The following RIT2 variants were observed in gnomAD, a reference collection of about 807,000 sequenced individuals.
RIT2 encodes the protein GTP-binding protein Rit2.
RIT2 carries 24 observed loss-of-function variants against 23.7 expected under a neutral mutation model. The ratio of observed to expected loss-of-function variants is 1.01; its 90% CI spans 0.73 to 1.43. The LOEUF (loss-of-function observed/expected upper bound fraction) is 1.43. Among genes scored for constraint, RIT2 ranks in the 40% most tolerant of loss-of-function variants. The pLI, the probability that RIT2 is intolerant of heterozygous loss-of-function variation, is 0.00. For missense variants in RIT2, 236 were observed against 266.9 expected, an observed-to-expected ratio of 0.88 and a Z score of 0.81; for synonymous variants, 107 against 91.1, an observed-to-expected ratio of 1.17 and a Z score of -0.99.
intron 3 of RIT2, among the ~76,000 whole-genome samples, chr18:42,967,692 A>C (rs1910268889): frequency 6.6e-6 from 1 of 151,212 alleles, no homozygotes; most frequent in South Asian, 2.1e-4. Context: ...CACCTGGCCA[A>C]AAGTTTTTTC....
At chr18:43,057,833 A>G (rs1912545285) in intron 1 of RIT2, among the ~76,000 whole-genome samples, 1 of 120,242 alleles carries the variant, frequency 8.3e-6, no homozygotes, top group Non-Finnish European at 1.8e-5. Context: ...AAGGCAGAAC[A>G]AGATGTAGCA....
At chr18:43,100,930 C>T (rs1913667981) in intron 1 of RIT2, among the ~76,000 whole-genome samples, 1 of 151,338 alleles carries the variant, frequency 6.6e-6, no homozygotes, top group Non-Finnish European at 1.5e-5. Flanking sequence ...TGATCTTTTC[C>T]TTTTGTGTGT....
chr18:43,079,872 G>A (rs1011534321), intron 1 of RIT2, among the ~76,000 whole-genome samples: 2 of 152,160 alleles, frequency 1.3e-5, no homozygotes, highest in African/African-American at 4.8e-5. Flanking sequence ...ATATGAAAAA[G>A]GCACCTGAGC....
chr18:42,868,096 T>C (rs1907520688), intron 4 of RIT2, among the ~76,000 whole-genome samples: 1 of 152,184 alleles, frequency 6.6e-6, no homozygotes, highest in Admixed American at 6.5e-5. Context: ...GATTTACCAA[T>C]AGAAAAAGTA....
chr18:42,946,770 T>TGAA (rs1909737575), intron 3 of RIT2, among the ~76,000 whole-genome samples: 1 of 152,058 alleles, frequency 6.6e-6, no homozygotes, highest in African/African-American at 2.4e-5. Flanking sequence ...AGTACTCTGC[T>TGAA]ATTTCAGCAG....
intron 2 of RIT2, among the ~76,000 whole-genome samples, chr18:43,000,106 G>T (rs1399167773): frequency 1.3e-5 from 2 of 152,084 alleles, no homozygotes; most frequent in Non-Finnish European, 2.9e-5. Context: ...TTGACAAAAT[G>T]AAGAAGTATA....
intron 4 of RIT2, among the ~76,000 whole-genome samples, chr18:42,857,594 G>C (rs1907220055): frequency 6.6e-6 from 1 of 152,166 alleles, no homozygotes; most frequent in African/African-American, 2.4e-5. Flanking sequence ...AATCCTGCTG[G>C]TGTCATTTAC....
At chr18:43,048,149 C>G (rs1912291823) in intron 1 of RIT2, among the ~76,000 whole-genome samples, 1 of 152,114 alleles carries the variant, frequency 6.6e-6, no homozygotes, top group Non-Finnish European at 1.5e-5. Context: ...TAAGCCAGTT[C>G]CTTTAACAAC....
intron 3 of RIT2, among the ~76,000 whole-genome samples, chr18:42,936,609 T>C (rs970143555): frequency 6.6e-6 from 1 of 152,228 alleles, no homozygotes; most frequent in Non-Finnish European, 1.5e-5. Flanking sequence ...CTATCTTTTA[T>C]GCACTATCAT....
At chr18:42,997,989 T>C (rs1911024536) in intron 2 of RIT2, among the ~76,000 whole-genome samples, 1 of 152,168 alleles carries the variant, frequency 6.6e-6, no homozygotes, top group Non-Finnish European at 1.5e-5. Flanking sequence ...AACCAAATCA[T>C]CTAAGCCACA....
chr18:42,920,619 T>G (rs1909030692), intron 4 of RIT2: 1 of 986,604 alleles, frequency 1.0e-6, no homozygotes. Flanking sequence ...GTCTTTTTGT[T>G]TTTTTTCTTT....
At chr18:42,821,196 T>C (rs1459939272) in intron 4 of RIT2, among the ~76,000 whole-genome samples, 1 of 151,988 alleles carries the variant, frequency 6.6e-6, no homozygotes, top group Admixed American at 6.6e-5. Flanking sequence ...AACGGACAAA[T>C]ACAGACCCTG....
chr18:42,772,009 C>A (rs1401186724), intron 4 of RIT2, among the ~76,000 whole-genome samples: 1 of 152,058 alleles, frequency 6.6e-6, no homozygotes, highest in Non-Finnish European at 1.5e-5. Flanking sequence ...ATAGTGCAAG[C>A]AACTCAGATC....
chr18:42,824,918 G>A (rs1374295078), intron 4 of RIT2, among the ~76,000 whole-genome samples: 1 of 151,854 alleles, frequency 6.6e-6, no homozygotes, highest in East Asian at 1.9e-4. Context: ...CATATTCAGA[G>A]AGCCATATTC....
intron 1 of RIT2, among the ~76,000 whole-genome samples, chr18:43,076,991 T>G (rs1913037282): frequency 6.7e-6 from 1 of 149,382 alleles, no homozygotes; most frequent in African/African-American, 2.5e-5. Flanking sequence ...TAGTCCCAGC[T>G]ACTCGGGAGG....
intron 4 of RIT2, among the ~76,000 whole-genome samples, chr18:42,858,001 C>T (rs1011300911): frequency 2.6e-5 from 4 of 151,954 alleles, no homozygotes; most frequent in Admixed American, 6.6e-5. Flanking sequence ...GTCACCATGG[C>T]GAAACCCTGT....
At chr18:42,804,585 A>AAT (rs1905629138) in intron 4 of RIT2, among the ~76,000 whole-genome samples, 2 of 148,596 alleles carry the variant, frequency 1.3e-5, no homozygotes, top group African/African-American at 5.2e-5. Context: ...AAAAAAAAAA[A>AAT]ATTGAAAAAA....
intron 1 of RIT2, among the ~76,000 whole-genome samples, chr18:43,037,490 A>C (rs1427600734): frequency 6.6e-6 from 1 of 152,172 alleles, no homozygotes; most frequent in Non-Finnish European, 1.5e-5. Flanking sequence ...GGTATATTAC[A>C]GTGCTGGATT....
At chr18:42,922,113 T>C (rs889845429) in intron 4 of RIT2, among the ~76,000 whole-genome samples, 5 of 152,132 alleles carry the variant, frequency 3.3e-5, no homozygotes, top group African/African-American at 7.2e-5. Context: ...CATTTTAAGA[T>C]GCTTAGATTC....
Sources: allele counts gnomAD v4.1 joint callset (sites outside exome capture counted in the v4.1 genomes callset), GRCh38; gene constraint gnomAD v4.1.1; transcripts MANE v1.5; gene names NCBI Gene and HGNC (gene_info 2026-07-23, HGNC 2026-07-21).